SLF2: variants seen among roughly 807,000 people sequenced by gnomAD.
The protein encoded by SLF2 is SMC5-SMC6 complex localization factor protein 2.
In SLF2, 68 loss-of-function variants were observed where a neutral mutation model predicts 124.3. The observed-to-expected ratio is 0.55, with a 90% CI of 0.45 to 0.67. The LOEUF (loss-of-function observed/expected upper bound fraction) is 0.67. Among genes scored for constraint, SLF2 ranks in the 30% least tolerant of loss-of-function variants. SLF2 has a pLI of 0.00. For synonymous variants in SLF2, 480 were observed against 478.8 expected (o/e 1.00, Z -0.03); for missense variants, 1,246 against 1,373.7 (o/e 0.91, Z 1.47).
intron 6 of SLF2, among the ~76,000 whole-genome samples, chr10:100,928,773 A>G (rs894870582): frequency 1.3e-5 from 2 of 152,180 alleles, no homozygotes; most frequent in African/African-American, 4.8e-5. Flanking sequence ...GAGTTGTTGT[A>G]AGGGTTAAAA....
Position 100,913,011 on chromosome 10 carries a change from C to T in SLF2, c.-100C>T. Reference sequence around the variant, plus strand: ...GAAGAGAGAAGGGGGTGCCGCCCACCTCTGCTCCGACAGCCTCCCGGAGTC... The same window carrying T: ...GAAGAGAGAAGGGGGTGCCGCCCACTTCTGCTCCGACAGCCTCCCGGAGTC... On this transcript the variant is annotated 5_prime_UTR_variant, in exon 1 of 20. Coordinates refer to ENST00000238961, the MANE Select transcript of SLF2 (RefSeq NM_018121.4). 2 of 1,368,768 alleles carry T rather than the reference C, an allele frequency of 1.5e-6. No individual in the cohort carries two copies. The highest frequency in any genetic ancestry group is 1.3e-5 in the South Asian group (1 of 77,764). 84.8% of individuals were successfully genotyped at this position (1,368,768 alleles called of 1,614,324 possible).
chr10:100,959,957 C>T (rs1850399528), intron 19 of SLF2, among the ~76,000 whole-genome samples: 1 of 152,224 alleles, frequency 6.6e-6, no homozygotes, highest in Non-Finnish European at 1.5e-5. Context: ...TGGTTCCCCT[C>T]CTGACTCCTC....
intron 13 of SLF2, among the ~76,000 whole-genome samples, chr10:100,945,998 T>A (rs1330322615): frequency 6.6e-6 from 1 of 152,184 alleles, no homozygotes; most frequent in Non-Finnish European, 1.5e-5. Context: ...CTAAATGAAA[T>A]GATGGAGTGA....
chr10:100,917,119 GA>G lies in SLF2; in HGVS notation c.735del (p.Glu246AsnfsTer4). The G allele has an allele frequency of 6.2e-7, 1 of 1,614,164 alleles. No individual in the cohort carries two copies. The highest frequency in any genetic ancestry group is 8.5e-7 in the Non-Finnish European group (1 of 1,180,034). On this transcript the variant is annotated frameshift_variant, in exon 3 of 20. Coordinates refer to ENST00000238961, the MANE Select transcript of SLF2 (RefSeq NM_018121.4). LOFTEE classifies it high-confidence loss of function. ...KFQLSLASYC[R>X]ERELKRLRKE... is the part of the protein sequence containing the mutation. ...CAGTTGTCACTAGCTTCTTACTGCA[GA>G]GAACGAGAACTAAAGAGGTTGAGAA...
At chr10:100,936,347 G>A (rs893655981) in intron 9 of SLF2, among the ~76,000 whole-genome samples, 3 of 150,860 alleles carry the variant, frequency 2.0e-5, no homozygotes, top group Admixed American at 2.0e-4. Flanking sequence ...GTTTTGTTTT[G>A]TTTTGAGATG....
chr10:100,913,481 G>T, intron 1 of SLF2: 1 of 1,274,310 alleles, frequency 7.8e-7, no homozygotes. Flanking sequence ...AGCCTGGACA[G>T]CTACGGAGAA....
Position 100,923,960 on chromosome 10 carries a change from A to C in SLF2, c.974-15A>C, listed in dbSNP as rs1849563055. On this transcript the variant is annotated splice_polypyrimidine_tract_variant and intron_variant, in intron 4 of 19. Transcript: ENST00000238961. ...AAGTATATTTTTCACTAATCTAACA[A>C]AAATTAAATTTTAGCAGGCTCTAAG... 6.7e-7 allele frequency: 1 copy of C among 1,491,082 alleles called. No individual in the cohort carries two copies. Among genetic ancestry groups the C allele is most frequent in the East Asian group, 2.3e-5 (1 of 43,522 alleles). 92.4% of individuals were successfully genotyped at this position (1,491,082 alleles called of 1,614,324 possible).
chr10:100,923,017 C>T (rs1366609153), intron 4 of SLF2, among the ~76,000 whole-genome samples: 1 of 152,100 alleles, frequency 6.6e-6, no homozygotes, highest in Non-Finnish European at 1.5e-5. Context: ...CTCAAGTGAT[C>T]TGCCCACTCC....
At chr10:100,917,546 A>G (rs1361129357) in intron 3 of SLF2, among the ~76,000 whole-genome samples, 1 of 152,122 alleles carries the variant, frequency 6.6e-6, no homozygotes, top group Admixed American at 6.5e-5. Context: ...TTAGTCAGAA[A>G]AGTAAGCATT....
rs1849604698 is a variant in SLF2 at position 100,926,030 on chromosome 10, A to G, written c.2042+11A>G. 1.9e-6 allele frequency: 3 copies of G among 1,614,246 alleles called. No individual in the cohort carries two copies. The highest frequency in any genetic ancestry group is 2.5e-6 in the Non-Finnish European group (3 of 1,180,046). Reference sequence around the variant, plus strand: ...GGAAGACACACAAAGGTTTGTTAGCATAAAGATTAATTTGCTAAATTTAAC... The same window carrying G: ...GGAAGACACACAAAGGTTTGTTAGCGTAAAGATTAATTTGCTAAATTTAAC... On this transcript the variant is annotated intron_variant, in intron 6 of 19. Transcript: ENST00000238961.
At chr10:100,943,956 C>T in intron 11 of SLF2, 70 bp from the exon 12 acceptor site, 1 of 935,362 alleles carries the variant, frequency 1.1e-6, no homozygotes, top group South Asian at 1.8e-5. Flanking sequence ...TAAAAAGTAG[C>T]CCAGAATTTC....
Position 100,913,171 on chromosome 10 carries a change from T to C in SLF2, c.61T>C (p.Ser21Pro), listed in dbSNP as rs1290198389. ...GFPSSPAPGSSPPRCHLRPGS... is the reference protein window; with the variant it reads ...GFPSSPAPGSPPPRCHLRPGS... ...CCCCTCATCCCCAGCCCCGGGGTCG[T>C]CGCCCCCGCGCTGCCATCTGAGACC... Residue 21 changes from serine (S) to proline (P), a missense_variant, in exon 1 of 20, where the codon TCG becomes CCG. Physicochemically the swap from Ser to Pro is moderately conservative, Grantham distance 74. Around this residue, in one of 3 missense-constraint regions of SLF2, gnomAD observed 698 missense variants for 708.9 expected, o/e 0.98. Transcript: ENST00000238961. The C allele has an allele frequency of 6.2e-7, 1 of 1,611,246 alleles. No homozygotes were observed. Among genetic ancestry groups the C allele is most frequent in the South Asian group, 1.1e-5 (1 of 90,834 alleles).
chr10:100,913,006 C>T lies in SLF2; in HGVS notation c.-105C>T, dbSNP rs1849343904. The T allele has an allele frequency of 2.3e-6, 3 of 1,291,228 alleles. No individual in the cohort carries two copies. The East Asian group carries it at 7.2e-5, about 31-fold the overall frequency. The allele number at this position is 1,291,228 out of a possible 1,614,324, so 80.0% of individuals were successfully genotyped here. A position where few individuals can be genotyped will look rare whatever the true frequency, so the allele number is the denominator to read the frequency against. On this transcript the variant is annotated 5_prime_UTR_variant, in exon 1 of 20. Transcript: ENST00000238961. ...GCCATGAAGAGAGAAGGGGGTGCCG[C>T]CCACCTCTGCTCCGACAGCCTCCCG...
At chr10:100,936,627 T>C (rs1486580774) in intron 9 of SLF2, among the ~76,000 whole-genome samples, 1 of 151,936 alleles carries the variant, frequency 6.6e-6, no homozygotes, top group Non-Finnish European at 1.5e-5. Context: ...AGCCACCGCG[T>C]CCAGCCAGTG....
intron 6 of SLF2, among the ~76,000 whole-genome samples, chr10:100,927,441 T>C (rs1434078578): frequency 6.6e-6 from 1 of 152,262 alleles, no homozygotes. Context: ...TTTATAAAGC[T>C]GATTATTCCA....
rs144243872 is a variant in SLF2 at position 100,938,723 on chromosome 10, G to A, written c.2641G>A (p.Glu881Lys). 4 of 1,611,992 alleles carry A rather than the reference G, an allele frequency of 2.5e-6. No individual in the cohort carries two copies. The highest frequency in any genetic ancestry group is 3.4e-6 in the Non-Finnish European group (4 of 1,179,476). ...PLENLQPDFN[E>K]DYLVSETQTT... ...GGAGAATCTTCAGCCAGACTTTAAT[G>A]AAGACTATCTAGTGTAAGTTTTCTC... is the stretch of plus-strand genomic sequence containing the variant. The change falls in exon 11 of 20, where the codon GAA (glutamate) becomes AAA (lysine). Residue 881 changes from glutamate (E) to lysine (K), a missense_variant. Coordinates refer to ENST00000238961, the MANE Select transcript of SLF2 (RefSeq NM_018121.4).
At chr10:100,914,960 T>C (rs1218413033) in intron 1 of SLF2, among the ~76,000 whole-genome samples, 2 of 152,324 alleles carry the variant, frequency 1.3e-5, no homozygotes, top group East Asian at 1.9e-4. Flanking sequence ...AGTAAAATGA[T>C]ACATTTTAGC....
chr10:100,947,695 T>C, intron 14 of SLF2, 65 bp from the exon 15 acceptor site: 1 of 1,141,894 alleles, frequency 8.8e-7, no homozygotes, highest in Non-Finnish European at 1.3e-6. Flanking sequence ...TCTTGGCTCA[T>C]TCATTTGCTT....
In SLF2 at chr10:100,916,622, T is replaced by C. The variant is rs567312411; in HGVS notation, c.237T>C (p.Ser79=). The C allele has an allele frequency of 2.8e-6, 4 of 1,449,182 alleles. No homozygotes were observed. The Admixed American group carries it at 1.1e-4, about 38-fold the overall frequency. The allele number at this position is 1,449,182 out of a possible 1,614,324, so 89.8% of individuals were successfully genotyped here. ...AATCAAACATCAAATATGGAGGAAG[T>C]AGATTGTCTATCACTGGGACAGAGC... is the stretch of plus-strand genomic sequence containing the variant. ...PQKSNIKYGG[S]RLSITGTEQF... is the part of the protein sequence containing the mutation. Residue 79 remains serine, a synonymous_variant, in exon 3 of 20, where the codon AGT becomes AGC. Coordinates refer to ENST00000238961, the MANE Select transcript of SLF2 (RefSeq NM_018121.4).
Sources: gnomAD v4.1 joint callset for allele counts (sites outside exome capture counted in the v4.1 genomes callset) on GRCh38, gnomAD v4.1.1 for gene constraint, gnomAD v4.1.1 regional missense constraint, MANE v1.5 for transcripts, NCBI Gene and HGNC (gene_info 2026-07-23, HGNC 2026-07-21) for gene names.